PPP6R3: variants seen among roughly 807,000 people sequenced by gnomAD.
The protein encoded by PPP6R3 is serine/threonine-protein phosphatase 6 regulatory subunit 3.
A neutral mutation model predicts 110.7 loss-of-function variants in PPP6R3; 38 were observed. The observed-to-expected ratio is 0.34, with a 90% CI of 0.26 to 0.45. The LOEUF (loss-of-function observed/expected upper bound fraction) is 0.45, where lower values mean the gene tolerates loss of function less well. Among genes scored for constraint, PPP6R3 ranks in the 20% least tolerant of loss-of-function variants. The pLI, the probability that PPP6R3 is intolerant of heterozygous loss-of-function variation, is 1.00. For synonymous variants in PPP6R3, 369 were observed against 373.5 expected (o/e 0.99, Z 0.14); for missense variants, 870 against 1,062.4 (o/e 0.82, Z 2.52).
At chr11:68,478,647 G>GTTGTTTTTTTTT (rs2098860140) in intron 1 of PPP6R3, among the ~76,000 whole-genome samples, 1 of 50,514 alleles carries the variant, frequency 2.0e-5, no homozygotes, top group Non-Finnish European at 3.1e-5. Context: ...CACTTGGTAA[G>GTTGTTTTTTTTT]TTTTTTTTTT....
chr11:68,612,888 A>G (rs1367995127), intron 23 of PPP6R3, 178 bp from the exon 24 acceptor site: 4 of 1,249,306 alleles, frequency 3.2e-6, no homozygotes, highest in Non-Finnish European at 4.3e-6. Context: ...AGATGCACTC[A>G]CTCAGATTTT....
intron 22 of PPP6R3, among the ~76,000 whole-genome samples, chr11:68,603,828 G>A (rs58565271): frequency 0.011 from 1,622 of 152,228 alleles, 37 homozygotes; most frequent in African/African-American, 0.037. Context: ...GTTTCAGGTC[G>A]ACTGGTTTTA....
At chr11:68,612,398 C>G (rs1320311609) in intron 23 of PPP6R3, among the ~76,000 whole-genome samples, 1 of 152,112 alleles carries the variant, frequency 6.6e-6, no homozygotes. Flanking sequence ...CACCCTTTCC[C>G]AAGTCTGCTT....
intron 1 of PPP6R3, among the ~76,000 whole-genome samples, chr11:68,493,309 A>G (rs1334271263): frequency 1.3e-5 from 2 of 152,142 alleles, no homozygotes; most frequent in East Asian, 1.9e-4. Flanking sequence ...TACAGTATAC[A>G]TTGGTGGTAG....
At chr11:68,520,767 TTTTGTTTG>T (rs949279176) in intron 2 of PPP6R3, among the ~76,000 whole-genome samples, 1 of 152,140 alleles carries the variant, frequency 6.6e-6, no homozygotes, top group Non-Finnish European at 1.5e-5. Context: ...CATAGAGTTT[TTTTGTTTG>T]TTTGTTTGTT....
chr11:68,506,941 C>G (rs898098348), intron 1 of PPP6R3, among the ~76,000 whole-genome samples: 7 of 152,166 alleles, frequency 4.6e-5, no homozygotes, highest in African/African-American at 1.7e-4. Context: ...TCATTTGTAC[C>G]TTTGCTGTGC....
chr11:68,478,646 A>ATTTTTTTTTT (rs1565292839), intron 1 of PPP6R3, among the ~76,000 whole-genome samples: 2 of 10,754 alleles, frequency 1.9e-4, no homozygotes, highest in Non-Finnish European at 4.0e-4. Flanking sequence ...GCACTTGGTA[A>ATTTTTTTTTT]GTTTTTTTTT....
At chr11:68,500,883 T>C (rs2099045171) in intron 1 of PPP6R3, among the ~76,000 whole-genome samples, 1 of 152,206 alleles carries the variant, frequency 6.6e-6, no homozygotes. Flanking sequence ...CTAAATCACA[T>C]TGAAATTCAT....
chr11:68,583,082 ATTGACT>A lies in PPP6R3; in HGVS notation c.1588_1593del (p.Asp530_Phe531del). The A allele has an allele frequency of 6.5e-7, 1 of 1,547,718 alleles. No homozygotes were observed. The highest frequency in any genetic ancestry group is 8.7e-7 in the Non-Finnish European group (1 of 1,144,134). On this transcript the variant is annotated inframe_deletion, in exon 15 of 24. Coordinates refer to ENST00000393800, the MANE Select transcript of PPP6R3 (RefSeq NM_001164161.2). ...TATTCATTCATCCAGTGATGATGAAATTGACTTTAAAGAAACGGGTTTCTCACAGGA... is the reference window on the plus strand; with the variant it reads ...TATTCATTCATCCAGTGATGATGAAATTAAAGAAACGGGTTTCTCACAGGA...
chr11:68,567,813 A>C (rs184841642), intron 10 of PPP6R3, among the ~76,000 whole-genome samples: 61 of 152,216 alleles, frequency 4.0e-4, no homozygotes, highest in African/African-American at 1.4e-3. Context: ...GTCACATCAT[A>C]TATTTGGGGG....
chr11:68,549,083 G>A (rs1234775584), intron 5 of PPP6R3, among the ~76,000 whole-genome samples: 1 of 152,090 alleles, frequency 6.6e-6, no homozygotes, highest in Non-Finnish European at 1.5e-5. Context: ...TAGAGACAGG[G>A]TTTCACCATG....
At chr11:68,487,831 G>A (rs1433424895) in intron 1 of PPP6R3, among the ~76,000 whole-genome samples, 1 of 152,142 alleles carries the variant, frequency 6.6e-6, no homozygotes, top group Non-Finnish European at 1.5e-5. Context: ...CTTGAGAACT[G>A]TAATCTGCTG....
At position 68,554,293 on chromosome 11, in the gene PPP6R3, A is replaced by G. The variant is rs750679858; in HGVS notation, c.731+36A>G. On this transcript the variant is annotated intron_variant, in intron 7 of 23. Coordinates refer to ENST00000393800, the MANE Select transcript of PPP6R3 (RefSeq NM_001164161.2). ...AACTCTGTTCTTGTTCTTCTTTCAT[A>G]TTGATGCTGTTCCATGTGTTACCAT... The G allele has an allele frequency of 4.1e-6, 6 of 1,478,608 alleles. No individual in the cohort carries two copies. The Admixed American group carries it at 7.0e-5, about 17-fold the overall frequency. The allele number at this position is 1,478,608 out of a possible 1,614,324, so 91.6% of individuals were successfully genotyped here.
In PPP6R3 at chr11:68,613,667, T is replaced by A. The variant is rs1944548966; in HGVS notation, c.*550T>A. On this transcript the variant is annotated 3_prime_UTR_variant, in exon 24 of 24. Coordinates refer to ENST00000393800, the MANE Select transcript of PPP6R3 (RefSeq NM_001164161.2). ...ATTTTGAATAAGAAATATTTGGTGT[T>A]CTTTTTATAACCAGTTTTTGATTGG... 1 of 984,972 alleles carries A rather than the reference T, an allele frequency of 1.0e-6. No individual in the cohort carries two copies. The highest frequency in any genetic ancestry group is 1.2e-6 in the Non-Finnish European group (1 of 829,216). The allele number at this position is 984,972 out of a possible 1,614,324, so 61.0% of individuals were successfully genotyped here.
intron 10 of PPP6R3, among the ~76,000 whole-genome samples, 175 bp downstream of exon 10, chr11:68,567,341 A>G (rs775403364): frequency 6.6e-6 from 1 of 152,212 alleles, no homozygotes; most frequent in Non-Finnish European, 1.5e-5. Context: ...AATGCTTATA[A>G]TTGTTCACTA....
At chr11:68,495,631 T>G (rs929276675) in intron 1 of PPP6R3, among the ~76,000 whole-genome samples, 7 of 152,208 alleles carry the variant, frequency 4.6e-5, no homozygotes, top group Admixed American at 6.5e-5. Flanking sequence ...TAGCCATGTT[T>G]TCAAGATTTA....
At chr11:68,473,557 C>T (rs1197313370) in intron 1 of PPP6R3, among the ~76,000 whole-genome samples, 1 of 152,122 alleles carries the variant, frequency 6.6e-6, no homozygotes, top group African/African-American at 2.4e-5. Context: ...ATAGCTGTTG[C>T]GGGGGAAGCA....
At chr11:68,482,417 A>G (rs2098920746) in intron 1 of PPP6R3, among the ~76,000 whole-genome samples, 1 of 151,856 alleles carries the variant, frequency 6.6e-6, no homozygotes, top group Non-Finnish European at 1.5e-5. Context: ...GCCAAAAAAA[A>G]AAAAAAAAAA....
intron 14 of PPP6R3, among the ~76,000 whole-genome samples, chr11:68,581,448 C>T (rs917444684): frequency 4.6e-5 from 7 of 152,222 alleles, no homozygotes; most frequent in Non-Finnish European, 8.8e-5. Context: ...GGCTAAGAGT[C>T]GCCAACTCTG....
Sources: allele counts gnomAD v4.1 joint callset (sites outside exome capture counted in the v4.1 genomes callset), GRCh38; gene constraint gnomAD v4.1.1; transcripts MANE v1.5; gene names NCBI Gene and HGNC (gene_info 2026-07-23, HGNC 2026-07-21).